WDR70: variants seen among roughly 807,000 people sequenced by gnomAD.
The protein encoded by WDR70 is WD repeat-containing protein 70.
WDR70 carries 53 observed loss-of-function variants against 88.6 expected under a neutral mutation model. The ratio of observed to expected loss-of-function variants is 0.60; its 90% CI spans 0.48 to 0.75. WDR70 has a LOEUF of 0.75. Among genes scored for constraint, WDR70 ranks in the 30% least tolerant of loss-of-function variants. The probability of loss-of-function intolerance (pLI) is 0.00; values close to 1 mark genes in which losing one functional copy is unlikely to be tolerated. For missense variants in WDR70, 610 were observed against 823.2 expected (o/e 0.74, Z 3.17); for synonymous variants, 280 against 270.0 (o/e 1.04, Z -0.36).
In WDR70 at chr5:37,518,203, C is replaced by A. The variant is rs566571144; in HGVS notation, c.917+1613C>A. Among the ~76,000 whole-genome samples the A allele has an allele frequency of 2.6e-5, 4 of 152,248 alleles. No homozygotes were observed. The South Asian group carries it at 6.2e-4, about 24-fold the overall frequency. ...GTGCTGGGATTATAGACATGAGCCA[C>A]TGCGCCCAGCCTCTTTTAGTTATTT... On this transcript the variant is annotated intron_variant, in intron 9 of 17. Coordinates refer to ENST00000265107, the MANE Select transcript of WDR70 (RefSeq NM_018034.4).
chr5:37,537,334 A>G (rs535847013), intron 9 of WDR70, among the ~76,000 whole-genome samples: 6 of 152,294 alleles, frequency 3.9e-5, no homozygotes, highest in African/African-American at 1.4e-4. Flanking sequence ...AGGAAGTGGG[A>G]AGGAGAGGCA....
rs116477409 is a variant in WDR70 at position 37,537,916 on chromosome 5, T to C, written c.917+21326T>C. Among the ~76,000 whole-genome samples the C allele has an allele frequency of 4.7e-3, 715 of 152,276 alleles. 5 individuals carry two copies. The highest frequency in any genetic ancestry group is 0.016 in the African/African-American group (675 of 41,558). On this transcript the variant is annotated intron_variant, in intron 9 of 17. Coordinates refer to ENST00000265107, the MANE Select transcript of WDR70 (RefSeq NM_018034.4). Reference sequence around the variant, plus strand: ...AATTCGTAGGTCTAATACTGTAAAGTTTTGGATTAAGAAATACTCTTTTGG... The same window carrying C: ...AATTCGTAGGTCTAATACTGTAAAGCTTTGGATTAAGAAATACTCTTTTGG...
intron 8 of WDR70, among the ~76,000 whole-genome samples, chr5:37,490,098 ATGTGCATGTGCCTGAGGTG>A (rs1201988980): frequency 6.6e-6 from 1 of 151,962 alleles, no homozygotes; most frequent in Non-Finnish European, 1.5e-5. Flanking sequence ...TGGTCTCCTT[ATGTGCATGTGCCTGAGGTG>A]ACTGATGGTG....
chr5:37,733,595 A>G (rs1226927085), intron 17 of WDR70, among the ~76,000 whole-genome samples: 2 of 152,002 alleles, frequency 1.3e-5, no homozygotes, highest in Non-Finnish European at 1.5e-5. Context: ...CTGGCTCTGC[A>G]AGTATCAATA....
At position 37,531,905 on chromosome 5, in the gene WDR70, G is replaced by A. The variant is rs192331025; in HGVS notation, c.917+15315G>A. Among the ~76,000 whole-genome samples, 502 of 151,802 alleles carry A rather than the reference G, an allele frequency of 3.3e-3. 1 individual carries two copies. Among genetic ancestry groups the A allele is most frequent in the African/African-American group, 0.011 (455 of 41,424 alleles). On this transcript the variant is annotated intron_variant, in intron 9 of 17. Transcript: ENST00000265107. ...CTATTTTGTTGTATTCTGAGGATTC[G>A]TTTCAAAATTTAGAGCTCCTTTTAG...
rs368151564 is a variant in WDR70, at chr5:37,444,544, A to G, written c.686+1172A>G. On this transcript the variant is annotated intron_variant, in intron 7 of 17. Coordinates refer to ENST00000265107, the MANE Select transcript of WDR70 (RefSeq NM_018034.4). ...TTTTGGTAGAGATGGGGTTTCACCC[A>G]GTAGTCCAGGGTGGTCTCAAACTCC... Among the ~76,000 whole-genome samples the G allele has an allele frequency of 1.8e-3, 271 of 152,066 alleles. 2 individuals are homozygous for G. Among genetic ancestry groups the G allele is most frequent in the African/African-American group, 6.1e-3 (252 of 41,510 alleles).
chr5:37,725,361 A>G (rs751410176), intron 16 of WDR70, among the ~76,000 whole-genome samples: 2 of 151,996 alleles, frequency 1.3e-5, no homozygotes, highest in Non-Finnish European at 2.9e-5. Context: ...CTTGGAACCC[A>G]GTGTTAAAAC....
chr5:37,647,750 G>A (rs777659645), intron 10 of WDR70, among the ~76,000 whole-genome samples: 32 of 152,322 alleles, frequency 2.1e-4, no homozygotes, highest in Middle Eastern at 3.4e-3. Context: ...TCCTAAACAA[G>A]CAAGAGTCTC....
intron 5 of WDR70, among the ~76,000 whole-genome samples, chr5:37,406,897 TA>T (rs1263076453): frequency 6.6e-6 from 1 of 152,192 alleles, no homozygotes; most frequent in Admixed American, 6.5e-5. Flanking sequence ...CCAGTTAAAC[TA>T]AAATTATCAA....
At chr5:37,550,491 T>C (rs756268779) in intron 9 of WDR70, among the ~76,000 whole-genome samples, 27 of 152,216 alleles carry the variant, frequency 1.8e-4, no homozygotes, top group Admixed American at 3.9e-4. Flanking sequence ...TTAGATCCAT[T>C]TGGTCTGCAG....
intron 5 of WDR70, among the ~76,000 whole-genome samples, chr5:37,414,116 C>G (rs1438704172): frequency 2.0e-5 from 3 of 146,764 alleles, no homozygotes; most frequent in Non-Finnish European, 4.5e-5. Context: ...TGCACTCCAG[C>G]CTGGGCAACA....
intron 3 of WDR70, among the ~76,000 whole-genome samples, chr5:37,386,294 G>A (rs1748614456): frequency 1.3e-5 from 2 of 152,176 alleles, no homozygotes; most frequent in South Asian, 4.1e-4. Flanking sequence ...AATACAACAT[G>A]TTTTGAACAA....
chr5:37,680,566 G>T (rs1746396535), intron 10 of WDR70, among the ~76,000 whole-genome samples: 2 of 152,094 alleles, frequency 1.3e-5, no homozygotes, highest in Non-Finnish European at 2.9e-5. Context: ...ATCTTGTGTT[G>T]ATTTTTGTAC....
chr5:37,564,813 T>A lies in WDR70; in HGVS notation c.918-40251T>A, dbSNP rs373720804. On this transcript the variant is annotated intron_variant, in intron 9 of 17. Transcript: ENST00000265107. ...GAAGTTATCCATTTATACTGTTAGT[T>A]GCAGTTTTCACTTACAGCCTTTTTT... 6.6e-5 allele frequency among the ~76,000 whole-genome samples: 10 copies of A among 152,346 alleles called. No individual in the cohort carries two copies. In the East Asian group the frequency reaches 9.6e-4, roughly 15 times the overall value.
chr5:37,689,049 G>A (rs1243358906), intron 10 of WDR70, among the ~76,000 whole-genome samples: 4 of 152,186 alleles, frequency 2.6e-5, no homozygotes, highest in Admixed American at 6.5e-5. Flanking sequence ...TGCCTGGCTC[G>A]GCGGGTCCCA....
At chr5:37,469,288 A>T (rs1739256675) in intron 7 of WDR70, among the ~76,000 whole-genome samples, 1 of 152,152 alleles carries the variant, frequency 6.6e-6, no homozygotes, top group African/African-American at 2.4e-5. Flanking sequence ...CATCCTGCTG[A>T]TACAGGACCA....
intron 7 of WDR70, among the ~76,000 whole-genome samples, chr5:37,467,831 C>T (rs1377958333): frequency 4.6e-5 from 7 of 152,104 alleles, no homozygotes; most frequent in Non-Finnish European, 8.8e-5. Context: ...ATTCCTGCCT[C>T]AGCCTCCCGA....
At chr5:37,657,653 C>G (rs1017930273) in intron 10 of WDR70, among the ~76,000 whole-genome samples, 1 of 152,188 alleles carries the variant, frequency 6.6e-6, no homozygotes, top group African/African-American at 2.4e-5. Context: ...CGATGTCACC[C>G]TGGGCATCAG....
At chr5:37,676,350 AGGATGATATT>A (rs1746207719) in intron 10 of WDR70, among the ~76,000 whole-genome samples, 2 of 152,118 alleles carry the variant, frequency 1.3e-5, no homozygotes, top group South Asian at 4.1e-4. Flanking sequence ...TTGTCCATTC[AGGATGATATT>A]GGCTGTGGGT....
Sources: gnomAD v4.1 joint callset for allele counts (sites outside exome capture counted in the v4.1 genomes callset) on GRCh38, gnomAD v4.1.1 for gene constraint, MANE v1.5 for transcripts, NCBI Gene and HGNC (gene_info 2026-07-23, HGNC 2026-07-21) for gene names.